HS6ST3: variants seen among roughly 807,000 people sequenced by gnomAD.
HS6ST3 encodes heparan-sulfate 6-O-sulfotransferase 3.
In HS6ST3, 12 loss-of-function variants were observed where a neutral mutation model predicts 36.7. The observed-to-expected ratio is 0.33, with a 90% confidence interval of 0.21 to 0.53. The LOEUF is 0.53. Ranked by LOEUF, HS6ST3 falls within the 20% of genes least tolerant of loss-of-function variation. The pLI, the probability that HS6ST3 is intolerant of heterozygous loss-of-function variation, is 0.95. For missense variants in HS6ST3, 584 were observed against 640.9 expected, an observed-to-expected ratio of 0.91 and a Z score of 0.96; for synonymous variants, 240 against 257.5, an observed-to-expected ratio of 0.93 and a Z score of 0.65.
chr13:96,376,122 G>C (rs949079558), intron 1 of HS6ST3, among the ~76,000 whole-genome samples: 1 of 152,156 alleles, frequency 6.6e-6, no homozygotes, highest in African/African-American at 2.4e-5. Context: ...CCAGTCGTAA[G>C]AGCAGATGGA....
At chr13:96,828,685 TCTTA>T (rs137946655) in intron 1 of HS6ST3, among the ~76,000 whole-genome samples, 6,655 of 152,022 alleles carry the variant, frequency 0.044, 486 homozygotes, top group African/African-American at 0.15. Flanking sequence ...TGGGTTAGAC[TCTTA>T]CTTAGTGCCA....
chr13:96,142,442 A>G (rs974390981), intron 1 of HS6ST3, among the ~76,000 whole-genome samples: 3 of 152,188 alleles, frequency 2.0e-5, no homozygotes, highest in African/African-American at 7.2e-5. Context: ...AAGTTGAAAT[A>G]AGACTGAAAA....
Position 96,448,607 on chromosome 13 carries a change from T to A in HS6ST3, c.707+357038T>A, listed in dbSNP as rs534536284. Among the ~76,000 whole-genome samples the A allele has an allele frequency of 3.3e-5, 5 of 152,232 alleles. No homozygotes were observed. In the East Asian group the frequency reaches 7.8e-4, roughly 24 times the overall value. Reference sequence around the variant, plus strand: ...CTAAGCCATTTATACTTCTAATAAATCATGTTCTCTTTGCCCCTGTACATT... The same window carrying A: ...CTAAGCCATTTATACTTCTAATAAAACATGTTCTCTTTGCCCCTGTACATT... On this transcript the variant is annotated intron_variant, in intron 1 of 1. Transcript: ENST00000376705.
intron 1 of HS6ST3, among the ~76,000 whole-genome samples, chr13:96,255,275 C>T (rs2054631102): frequency 6.6e-6 from 1 of 152,066 alleles, no homozygotes. Flanking sequence ...TATTTTATTG[C>T]ATGATGTCTT....
At chr13:96,594,182 G>A (rs1007956950) in intron 1 of HS6ST3, among the ~76,000 whole-genome samples, 2 of 152,034 alleles carry the variant, frequency 1.3e-5, no homozygotes, top group African/African-American at 4.8e-5. Flanking sequence ...ATGTTGGCCA[G>A]GTTGGTCTCC....
chr13:96,447,276 C>G (rs2055703710), intron 1 of HS6ST3, among the ~76,000 whole-genome samples: 1 of 152,182 alleles, frequency 6.6e-6, no homozygotes, highest in Non-Finnish European at 1.5e-5. Context: ...TTCACCCCCT[C>G]CTCTTCCCCT....
intron 1 of HS6ST3, among the ~76,000 whole-genome samples, chr13:96,687,555 C>T (rs1487432103): frequency 1.3e-5 from 2 of 151,660 alleles, no homozygotes; most frequent in African/African-American, 2.4e-5. Flanking sequence ...ATTTCCAACT[C>T]ACATATAAGC....
In HS6ST3 at chr13:96,320,330, A is replaced by G. The variant is rs146877513; in HGVS notation, c.707+228761A>G. Among the ~76,000 whole-genome samples the G allele has an allele frequency of 2.8e-3, 425 of 152,300 alleles. 4 individuals are homozygous for G. The highest frequency in any genetic ancestry group is 9.8e-3 in the African/African-American group (406 of 41,558). On this transcript the variant is annotated intron_variant, in intron 1 of 1. Coordinates refer to ENST00000376705, the MANE Select transcript of HS6ST3 (RefSeq NM_153456.4). ...CATTTGTGTCTCTTCCTTGACACCA[A>G]ACTGAACTGTTAGGAGAAGAGATAC...
chr13:96,131,224 A>G (rs117591198), intron 1 of HS6ST3, among the ~76,000 whole-genome samples: 2,164 of 152,306 alleles, frequency 0.014, 29 homozygotes, highest in South Asian at 0.052. Flanking sequence ...GTCATTAACT[A>G]CATGTAAGAG....
chr13:96,119,011 C>T (rs1156983296), intron 1 of HS6ST3, among the ~76,000 whole-genome samples: 1 of 151,886 alleles, frequency 6.6e-6, no homozygotes, highest in African/African-American at 2.4e-5. Flanking sequence ...CGCCCGGCCA[C>T]ATTAAAGATA....
chr13:96,747,218 T>C (rs2138489366), intron 1 of HS6ST3, among the ~76,000 whole-genome samples: 1 of 152,254 alleles, frequency 6.6e-6, no homozygotes, highest in South Asian at 2.1e-4. Flanking sequence ...CATTGCCATC[T>C]CAGAACACTT....
intron 1 of HS6ST3, among the ~76,000 whole-genome samples, chr13:96,124,779 C>G (rs2053942327): frequency 6.6e-6 from 1 of 152,200 alleles, no homozygotes; most frequent in African/African-American, 2.4e-5. Context: ...ATTAAAGATT[C>G]TTGCTTTTGA....
At chr13:96,586,044 A>G (rs756739180) in intron 1 of HS6ST3, among the ~76,000 whole-genome samples, 2 of 151,808 alleles carry the variant, frequency 1.3e-5, no homozygotes, top group African/African-American at 2.4e-5. Flanking sequence ...ATAAGGGTTT[A>G]TTTTTTCCCA....
At position 96,300,944 on chromosome 13, in the gene HS6ST3, A is replaced by G. The variant is rs375480272; in HGVS notation, c.707+209375A>G. Among the ~76,000 whole-genome samples, 11 of 152,354 alleles carry G rather than the reference A, an allele frequency of 7.2e-5. No homozygotes were observed. In the East Asian group the frequency reaches 1.2e-3, roughly 16 times the overall value. On this transcript the variant is annotated intron_variant, in intron 1 of 1. Coordinates refer to ENST00000376705, the MANE Select transcript of HS6ST3 (RefSeq NM_153456.4). ...CATTAGAAGGAAGACATTGAAGTCTAGAGTTCTGGAAGAGAGAGGCATTTG... is the reference window on the plus strand; with the variant it reads ...CATTAGAAGGAAGACATTGAAGTCTGGAGTTCTGGAAGAGAGAGGCATTTG...
intron 1 of HS6ST3, among the ~76,000 whole-genome samples, chr13:96,507,895 G>A (rs891386903): frequency 6.6e-6 from 1 of 152,070 alleles, no homozygotes; most frequent in East Asian, 1.9e-4. Flanking sequence ...AAAAGAAGCT[G>A]ACAGAACCTA....
intron 1 of HS6ST3, among the ~76,000 whole-genome samples, chr13:96,097,181 T>C (rs1301287906): frequency 6.6e-6 from 1 of 152,184 alleles, no homozygotes; most frequent in Non-Finnish European, 1.5e-5. Flanking sequence ...GATGGTTACC[T>C]TGGAATTTTG....
At chr13:96,573,650 G>C in intron 1 of HS6ST3, 1 of 277,424 alleles carries the variant, frequency 3.6e-6, no homozygotes, top group Non-Finnish European at 6.9e-6. Context: ...ATCCTCCACT[G>C]GAGTCCAAGT....
chr13:96,435,112 ACT>A (rs2055635249), intron 1 of HS6ST3, among the ~76,000 whole-genome samples: 1 of 152,022 alleles, frequency 6.6e-6, no homozygotes, highest in Admixed American at 6.6e-5. Flanking sequence ...TCCTTGAAGC[ACT>A]CTGGAAATTT....
intron 1 of HS6ST3, among the ~76,000 whole-genome samples, chr13:96,601,988 G>A (rs1283383234): frequency 6.6e-6 from 1 of 152,156 alleles, no homozygotes; most frequent in Non-Finnish European, 1.5e-5. Context: ...GAATGGCAGA[G>A]GTCTCATGAA....
Sources: gnomAD v4.1 joint callset for allele counts (sites outside exome capture counted in the v4.1 genomes callset) on GRCh38, gnomAD v4.1.1 for gene constraint, MANE v1.5 for transcripts, NCBI Gene and HGNC (gene_info 2026-07-23, HGNC 2026-07-21) for gene names.